Variants in KDM4A observed in about 807,000 individuals in gnomAD.
KDM4A encodes the protein lysine-specific demethylase 4A.
A neutral mutation model predicts 127.1 loss-of-function variants in KDM4A; 23 were observed. The ratio of observed to expected loss-of-function variants is 0.18; its 90% CI spans 0.13 to 0.26. The LOEUF (loss-of-function observed/expected upper bound fraction) is 0.26. Ranked by LOEUF, KDM4A falls within the 10% of genes least tolerant of loss-of-function variation. The pLI is 1.00. For missense variants in KDM4A, 890 were observed against 1,329.1 expected, an observed-to-expected ratio of 0.67 and a Z score of 5.14; for synonymous variants, 443 against 466.5, an observed-to-expected ratio of 0.95 and a Z score of 0.65.
chr1:43,654,275 GA>G (rs1185651097), intron 2 of KDM4A, among the ~76,000 whole-genome samples: 2 of 152,196 alleles, frequency 1.3e-5, no homozygotes, highest in South Asian at 2.1e-4. Context: ...CGCAGATAAA[GA>G]AAAGGCTGAT....
Position 43,694,992 on chromosome 1 carries a change from C to A in KDM4A, c.2670+98C>A. On this transcript the variant is annotated intron_variant, in intron 18 of 21. Transcript: ENST00000372396. This position sits in a 1 kb window ranked among gnomAD's most constrained non-coding sequence, Gnocchi z 5.2. The stretch of plus-strand genomic sequence containing the variant: ...TTGTATCAGCAACTATTTCCTCAAG[C>A]ATTCTGCATTATGAAGAGTGCTAAT... 8.4e-7 allele frequency: 1 copy of A among 1,183,508 alleles called. No individual in the cohort carries two copies. Among genetic ancestry groups the A allele is most frequent in the Non-Finnish European group, 1.2e-6 (1 of 848,928 alleles). The allele number at this position is 1,183,508 out of a possible 1,614,324, so 73.3% of individuals were successfully genotyped here.
chr1:43,653,926 G>A (rs1660175223), intron 2 of KDM4A: 1 of 152,172 alleles, frequency 6.6e-6, no homozygotes, highest in Non-Finnish European at 1.5e-5. Context: ...TGAGAGGCAG[G>A]GACCTCAGTC....
Position 43,690,925 on chromosome 1 carries a change from T to C in KDM4A, c.2118T>C (p.Ile706=). The C allele has an allele frequency of 6.2e-7, 1 of 1,614,202 alleles. No individual in the cohort carries two copies. The part of the protein sequence containing the change: ...APQKQRTKPL[I]PEMCFTSTGC... ...AGAAGCAGAGGACCAAGCCATTGAT[T>C]CCAGAAATGTGCTTCACTTCGACTG... The change falls in exon 14 of 22, where the codon ATT becomes ATC. Residue 706 remains isoleucine, a synonymous_variant. Transcript: ENST00000372396.
chr1:43,702,623 G>A (rs977098823), intron 19 of KDM4A: 17 of 152,156 alleles, frequency 1.1e-4, no homozygotes, highest in Admixed American at 6.5e-5. Context: ...CAAGCCCTAT[G>A]CTGGGAATAC....
chr1:43,692,679 A>G (rs951617519), intron 16 of KDM4A, among the ~76,000 whole-genome samples: 1 of 152,214 alleles, frequency 6.6e-6, no homozygotes, highest in Non-Finnish European at 1.5e-5. Context: ...GCCACAGGCT[A>G]GCAAGCACTT....
At chr1:43,651,187 A>G (rs1557900393) in intron 1 of KDM4A, among the ~76,000 whole-genome samples, 1 of 152,216 alleles carries the variant, frequency 6.6e-6, no homozygotes, top group Non-Finnish European at 1.5e-5. Context: ...CAAAAGTAAG[A>G]TATTTTGGAT....
At chr1:43,675,326 ATAGG>A (rs1660716792) in intron 11 of KDM4A, among the ~76,000 whole-genome samples, 1 of 152,196 alleles carries the variant, frequency 6.6e-6, no homozygotes, top group South Asian at 2.1e-4. Context: ...TCTAGGATAG[ATAGG>A]TAAGAGCAAA....
At chr1:43,681,072 A>T (rs1293917233) in intron 11 of KDM4A, among the ~76,000 whole-genome samples, 1 of 152,016 alleles carries the variant, frequency 6.6e-6, no homozygotes, top group African/African-American at 2.4e-5. Context: ...TTTTCCCTTG[A>T]TCTTCTCAAA....
Position 43,665,756 on chromosome 1 carries a change from T to C in KDM4A, c.673+11T>C, listed in dbSNP as rs760024094. On this transcript the variant is annotated intron_variant, in intron 6 of 21. Transcript: ENST00000372396. ...AACGCCTCGCCAAAGGTACTGTGTCTCTTCTGTTTGCTGGATTGGACCCTC... is the reference window on the plus strand; with the variant it reads ...AACGCCTCGCCAAAGGTACTGTGTCCCTTCTGTTTGCTGGATTGGACCCTC... 2.5e-6 allele frequency: 4 copies of C among 1,613,894 alleles called. No homozygotes were observed. Among genetic ancestry groups the C allele is most frequent in the Non-Finnish European group, 2.5e-6 (3 of 1,179,836 alleles).
chr1:43,666,626 A>G (rs1660506823), intron 7 of KDM4A, 71 bp downstream of exon 7: 6 of 1,215,194 alleles, frequency 4.9e-6, no homozygotes, highest in Non-Finnish European at 3.6e-6. Context: ...GTTTTATTCT[A>G]GTTCATCACT....
intron 20 of KDM4A, 21 bp downstream of exon 20, chr1:43,703,757 C>T: frequency 6.2e-7 from 1 of 1,613,742 alleles, no homozygotes; most frequent in Non-Finnish European, 8.5e-7. Flanking sequence ...TTCTACCTTT[C>T]TAGGGAGTGG....
Position 43,697,895 on chromosome 1 carries a change from A to G in KDM4A, c.2723A>G (p.Lys908Arg). Residue 908 changes from lysine (K) to arginine (R), a missense_variant, in exon 19 of 22, where the codon AAG (lysine) becomes AGG (arginine). Transcript: ENST00000372396. Reference sequence around the variant, plus strand: ...ACTGCAGGCCAGAAAGTCATTAGCAAGCATAAGAACGGGCGCTTCTACCAG... The same window carrying G: ...ACTGCAGGCCAGAAAGTCATTAGCAGGCATAAGAACGGGCGCTTCTACCAG... Reference protein sequence around the residue: ...SITAGQKVISKHKNGRFYQCE... With the variant: ...SITAGQKVISRHKNGRFYQCE... 1 of 1,613,838 alleles carries G rather than the reference A, an allele frequency of 6.2e-7. No individual in the cohort carries two copies. The highest frequency in any genetic ancestry group is 8.5e-7 in the Non-Finnish European group (1 of 1,179,974).
chr1:43,690,907 G>C lies in KDM4A; in HGVS notation c.2100G>C (p.Gln700His). The C allele has an allele frequency of 6.2e-7, 1 of 1,614,238 alleles. No individual in the cohort carries two copies. The highest frequency in any genetic ancestry group is 8.5e-7 in the Non-Finnish European group (1 of 1,180,034). ...CTTCAGATTTAGCCCCCCAGAAGCA[G>C]AGGACCAAGCCATTGATTCCAGAAA... Reference protein sequence around the residue: ...GNASDLAPQKQRTKPLIPEMC... With the variant: ...GNASDLAPQKHRTKPLIPEMC... The change falls in exon 14 of 22, where the codon CAG (glutamine) becomes CAC (histidine). Residue 700 changes from glutamine to histidine, a missense_variant. Physicochemically the swap from Gln to His is conservative, Grantham distance 24. Around this residue, in one of 7 missense-constraint regions of KDM4A, gnomAD observed 389 missense variants for 485.9 expected, o/e 0.80. Coordinates refer to ENST00000372396, the MANE Select transcript of KDM4A (RefSeq NM_014663.3).
intron 11 of KDM4A, among the ~76,000 whole-genome samples, chr1:43,680,272 G>A (rs1460338471): frequency 6.6e-6 from 1 of 152,172 alleles, no homozygotes; most frequent in African/African-American, 2.4e-5. Context: ...TGAGGTTAGA[G>A]ATCACGTCTT....
rs189953738 is a variant in KDM4A, at chr1:43,700,286, G to A, written c.2841+2273G>A. On this transcript the variant is annotated intron_variant, in intron 19 of 21. Coordinates refer to ENST00000372396, the MANE Select transcript of KDM4A (RefSeq NM_014663.3). ...GGGACTACAGGCCCTTGTCACTGGC[G>A]CCCAGCTAATTTTTTAATTTTTTGT... Among the ~76,000 whole-genome samples, 505 of 151,112 alleles carry A rather than the reference G, an allele frequency of 3.3e-3. 1 individual carries two copies. The highest frequency in any genetic ancestry group is 6.0e-3 in the Non-Finnish European group (409 of 67,788).
intron 2 of KDM4A, among the ~76,000 whole-genome samples, chr1:43,654,784 T>TA (rs529929496): frequency 4.8e-4 from 67 of 140,862 alleles, no homozygotes; most frequent in Admixed American, 7.9e-4. Flanking sequence ...ACTCTCTAAT[T>TA]AAAAAAAAAA....
chr1:43,704,484 G>C lies in KDM4A; in HGVS notation c.*114G>C, dbSNP rs1270673288. The C allele has an allele frequency of 1.2e-5, 14 of 1,155,060 alleles. No individual in the cohort carries two copies. The highest frequency in any genetic ancestry group is 1.7e-5 in the Non-Finnish European group (14 of 807,708). 71.6% of individuals were successfully genotyped at this position (1,155,060 alleles called of 1,614,324 possible). A position where few individuals can be genotyped will look rare whatever the true frequency, so the allele number is the denominator to read the frequency against. ...TGAAAGTGAAGTTGTAAAAAGAAAAGGAATGAAATAACCGACCCATCATCT... is the reference window on the plus strand; with the variant it reads ...TGAAAGTGAAGTTGTAAAAAGAAAACGAATGAAATAACCGACCCATCATCT... On this transcript the variant is annotated 3_prime_UTR_variant, in exon 22 of 22. Transcript: ENST00000372396.
chr1:43,656,607 G>A (rs1348614331), intron 3 of KDM4A, among the ~76,000 whole-genome samples: 1 of 151,890 alleles, frequency 6.6e-6, no homozygotes, highest in African/African-American at 2.4e-5. Context: ...CAAAGTGCTG[G>A]GATTACAGGC....
chr1:43,683,274 G>T (rs1267231096), intron 11 of KDM4A, among the ~76,000 whole-genome samples: 2 of 152,242 alleles, frequency 1.3e-5, no homozygotes, highest in East Asian at 1.9e-4. Context: ...CTGGCACATT[G>T]TAACAGGTAC....
Sources: gnomAD v4.1 joint callset for allele counts (sites outside exome capture counted in the v4.1 genomes callset) on GRCh38, gnomAD v4.1.1 for gene constraint, gnomAD v4.1.1 regional missense constraint, Gnocchi (gnomAD v3.1) non-coding constraint, MANE v1.5 for transcripts, NCBI Gene and HGNC (gene_info 2026-07-23, HGNC 2026-07-21) for gene names.